The following PTPRT variants were observed in gnomAD, a reference collection of about 807,000 sequenced individuals.
PTPRT encodes receptor-type tyrosine-protein phosphatase T.
Under a neutral mutation model 176.8 loss-of-function variants are expected in PTPRT, and 56 were observed. The ratio of observed to expected loss-of-function variants is 0.32; its 90% confidence interval spans 0.26 to 0.40. The LOEUF (loss-of-function observed/expected upper bound fraction) is 0.40, where lower values mean the gene tolerates loss of function less well. Ranked by LOEUF, PTPRT falls within the 10% of genes least tolerant of loss-of-function variation. PTPRT has a pLI of 1.00. For missense variants in PTPRT, 1,540 were observed against 1,908.2 expected (o/e 0.81, Z 3.60); for synonymous variants, 783 against 739.0 (o/e 1.06, Z -0.96).
chr20:42,530,779 G>T (rs1408685763), intron 7 of PTPRT, among the ~76,000 whole-genome samples: 1 of 152,210 alleles, frequency 6.6e-6, no homozygotes, highest in Non-Finnish European at 1.5e-5. Context: ...CAGCTTTGCA[G>T]TACTTGTGCA....
At position 43,059,492 on chromosome 20, in the gene PTPRT, A is replaced by G. The variant is rs148904373; in HGVS notation, c.88+130154T>C. Among the ~76,000 whole-genome samples, 362 of 152,318 alleles carry G rather than the reference A, an allele frequency of 2.4e-3. 5 individuals are homozygous for G. Among genetic ancestry groups the G allele is most frequent in the African/African-American group, 8.4e-3 (350 of 41,560 alleles). ...ATTCAGCTAAAAGCTTTGCCGCTTG[A>G]TAAGAGATTGTCTTTTCTCCATTGC... On this transcript the variant is annotated intron_variant, in intron 1 of 30. Coordinates refer to ENST00000373187, the MANE Select transcript of PTPRT (RefSeq NM_007050.6).
intron 17 of PTPRT, among the ~76,000 whole-genome samples, chr20:42,154,650 T>A (rs533519015): frequency 6.6e-6 from 1 of 152,246 alleles, no homozygotes; most frequent in Non-Finnish European, 1.5e-5. Flanking sequence ...TGGATTGAAC[T>A]GGGATGAATG....
chr20:42,578,974 T>C (rs561288968), intron 7 of PTPRT, among the ~76,000 whole-genome samples: 2 of 151,340 alleles, frequency 1.3e-5, no homozygotes, highest in South Asian at 2.1e-4. Context: ...TTGTTACATA[T>C]GTATACATGT....
chr20:42,485,408 T>C (rs1212081598), intron 7 of PTPRT, among the ~76,000 whole-genome samples: 1 of 152,210 alleles, frequency 6.6e-6, no homozygotes, highest in African/African-American at 2.4e-5. Context: ...GTATTAAACA[T>C]TCTAACACTT....
At chr20:42,868,141 T>G (rs2078782342) in intron 2 of PTPRT, among the ~76,000 whole-genome samples, 1 of 152,226 alleles carries the variant, frequency 6.6e-6, no homozygotes, top group Admixed American at 6.5e-5. Flanking sequence ...AGATTCATGC[T>G]GCAAAGAGTC....
At chr20:43,074,201 CTATAA>C (rs1319493810) in intron 1 of PTPRT, among the ~76,000 whole-genome samples, 18 of 152,176 alleles carry the variant, frequency 1.2e-4, no homozygotes, top group Non-Finnish European at 2.2e-4. Flanking sequence ...CAGTAGATGA[CTATAA>C]TATAATTGAC....
chr20:42,573,745 CTTTCTTTT>C lies in PTPRT; in HGVS notation c.1154-101191_1154-101184del, dbSNP rs757020741. Among the ~76,000 whole-genome samples, 43 of 115,502 alleles carry C rather than the reference CTTTCTTTT, an allele frequency of 3.7e-4. 1 individual carries two copies. In the East Asian group the frequency reaches 0.012, roughly 32 times the overall value. The allele number at this position is 115,502 out of a possible 152,430, so 75.8% of individuals were successfully genotyped here. A position where few individuals can be genotyped will look rare whatever the true frequency, so the allele number is the denominator to read the frequency against. On this transcript the variant is annotated intron_variant, in intron 7 of 30. Coordinates refer to ENST00000373187, the MANE Select transcript of PTPRT (RefSeq NM_007050.6). ...AAATGGCAAGACGGACCCTTTCTTT[CTTTCTTTT>C]TTTTTTTTTTTTTGAGATGGAGTCT...
intron 7 of PTPRT, among the ~76,000 whole-genome samples, chr20:42,644,276 C>T (rs1199951946): frequency 6.6e-6 from 1 of 152,094 alleles, no homozygotes; most frequent in East Asian, 1.9e-4. Context: ...ATCCGCCTTA[C>T]ACTCCAAACC....
At chr20:43,025,097 G>A (rs1985857289) in intron 1 of PTPRT, among the ~76,000 whole-genome samples, 1 of 152,192 alleles carries the variant, frequency 6.6e-6, no homozygotes, top group African/African-American at 2.4e-5. Flanking sequence ...GTTGGTGTCT[G>A]TATCCACTTA....
chr20:42,557,254 A>G (rs926663148), intron 7 of PTPRT, among the ~76,000 whole-genome samples: 1 of 152,122 alleles, frequency 6.6e-6, no homozygotes, highest in East Asian at 1.9e-4. Context: ...TCTAGACCCT[A>G]GGAATACAGC....
At chr20:42,209,656 T>C (rs996496696) in intron 15 of PTPRT, among the ~76,000 whole-genome samples, 8 of 152,100 alleles carry the variant, frequency 5.3e-5, no homozygotes, top group African/African-American at 1.9e-4. Flanking sequence ...CAATAATCAA[T>C]AGCTTACCAA....
At chr20:42,492,249 T>G (rs1218010707) in intron 7 of PTPRT, among the ~76,000 whole-genome samples, 1 of 152,198 alleles carries the variant, frequency 6.6e-6, no homozygotes, top group African/African-American at 2.4e-5. Context: ...TTTTTACTTA[T>G]AAAATAAACA....
intron 13 of PTPRT, among the ~76,000 whole-genome samples, chr20:42,270,787 CTTCTCTGTTAGACT>C: frequency 6.6e-6 from 1 of 152,304 alleles, no homozygotes; most frequent in East Asian, 1.9e-4. Flanking sequence ...ACCGAAACTA[CTTCTCTGTTAGACT>C]TCCCTTTCTG....
chr20:42,228,260 A>G (rs2056062519), intron 15 of PTPRT, among the ~76,000 whole-genome samples: 1 of 152,240 alleles, frequency 6.6e-6, no homozygotes, highest in African/African-American at 2.4e-5. Flanking sequence ...TAAATTTATA[A>G]CTGAAATATA....
chr20:42,484,054 C>T (rs2071429220), intron 7 of PTPRT, among the ~76,000 whole-genome samples: 1 of 152,238 alleles, frequency 6.6e-6, no homozygotes, highest in South Asian at 2.1e-4. Flanking sequence ...GCACCAGCCT[C>T]TTTTCGTTCT....
chr20:42,586,631 T>C (rs2073475640), intron 7 of PTPRT, among the ~76,000 whole-genome samples: 1 of 152,230 alleles, frequency 6.6e-6, no homozygotes, highest in Non-Finnish European at 1.5e-5. Context: ...TAACATTTTA[T>C]TGGTATCTTG....
chr20:42,215,995 T>C (rs982702176), intron 15 of PTPRT, among the ~76,000 whole-genome samples: 2 of 152,192 alleles, frequency 1.3e-5, no homozygotes, highest in African/African-American at 4.8e-5. Flanking sequence ...TGTATGTGGA[T>C]AGATGATGAC....
rs2013883556 is a variant in PTPRT, at chr20:43,137,873, T to A, written c.88+51773A>T. On this transcript the variant is annotated intron_variant, in intron 1 of 30. Transcript: ENST00000373187. Reference sequence around the variant, plus strand: ...CTGGAATATTAAACTCAAGCTGCCATGAAAGAGCCTCTCAACTCCACAGCA... The same window carrying A: ...CTGGAATATTAAACTCAAGCTGCCAAGAAAGAGCCTCTCAACTCCACAGCA... 3.3e-5 allele frequency among the ~76,000 whole-genome samples: 5 copies of A among 152,252 alleles called. No homozygotes were observed. The South Asian group carries it at 1.0e-3, about 32-fold the overall frequency.
At chr20:42,047,729 C>T in the PTPRT span, among the ~76,000 whole-genome samples, 2 of 152,128 alleles carry the variant, frequency 1.3e-5, no homozygotes, top group Admixed American at 1.3e-4. Context: ...TTGATGGGTT[C>T]TTCTGGGAGA....
Sources: gnomAD v4.1 joint callset for allele counts (sites outside exome capture counted in the v4.1 genomes callset) on GRCh38, gnomAD v4.1.1 for gene constraint, MANE v1.5 for transcripts, NCBI Gene and HGNC (gene_info 2026-07-23, HGNC 2026-07-21) for gene names.